The following TMEM40 variants were observed in gnomAD, a reference collection of about 807,000 sequenced individuals.
TMEM40 encodes transmembrane protein 40.
A neutral mutation model predicts 40.8 loss-of-function variants in TMEM40; 34 were observed. That is an observed-to-expected ratio of 0.83 (90% CI 0.63 to 1.11). TMEM40 has a LOEUF of 1.11. Ranked by LOEUF, TMEM40 falls within the 50% of genes least tolerant of loss-of-function variation. The pLI, the probability that TMEM40 is intolerant of heterozygous loss-of-function variation, is 0.00. For synonymous variants in TMEM40, 106 were observed against 107.0 expected (o/e 0.99, Z 0.06); for missense variants, 296 against 280.2 (o/e 1.06, Z -0.40).
chr3:12,755,923 GA>G (rs58735935), intron 1 of TMEM40, among the ~76,000 whole-genome samples: 1 of 152,308 alleles, frequency 6.6e-6, no homozygotes, highest in East Asian at 1.9e-4. Flanking sequence ...TGACTTCAAA[GA>G]GTCTCTGCAA....
At chr3:12,755,221 C>CTTTCTTTCTT (rs1232868322) in intron 1 of TMEM40, among the ~76,000 whole-genome samples, 4 of 82,980 alleles carry the variant, frequency 4.8e-5, no homozygotes, top group African/African-American at 1.4e-4. Context: ...CTTTCTCTCT[C>CTTTCTTTCTT]TCTCTCTCTC....
intron 1 of TMEM40, among the ~76,000 whole-genome samples, chr3:12,750,377 A>C (rs1244937245): frequency 6.6e-6 from 1 of 152,104 alleles, no homozygotes; most frequent in Non-Finnish European, 1.5e-5. Flanking sequence ...AGGCAAGGGA[A>C]TCCTGGGCCC....
chr3:12,767,901 AG>A (rs1043682289), intron 1 of TMEM40, among the ~76,000 whole-genome samples: 4 of 152,146 alleles, frequency 2.6e-5, no homozygotes, highest in Admixed American at 2.6e-4. Context: ...TTGTCCAGGA[AG>A]CAAAACTTGT....
chr3:12,742,600 A>C (rs2061392797), intron 4 of TMEM40, 93 bp from the exon 5 acceptor site: 19 of 1,455,124 alleles, frequency 1.3e-5, no homozygotes, highest in Non-Finnish European at 1.8e-5. Context: ...AAGAAGTACC[A>C]CAGTCCTTGT....
intron 3 of TMEM40, among the ~76,000 whole-genome samples, chr3:12,746,724 G>A (rs2061431778): frequency 6.6e-6 from 1 of 152,154 alleles, no homozygotes; most frequent in African/African-American, 2.4e-5. Context: ...CTAGGACTCT[G>A]GCTTTCTCCC....
chr3:12,769,197 G>A, intron 1 of TMEM40: 2 of 343,508 alleles, frequency 5.8e-6, no homozygotes, highest in Non-Finnish European at 1.3e-5. Flanking sequence ...ACTGTAGCCG[G>A]CCCTCAAGTG....
chr3:12,754,056 A>G (rs2061499340), intron 1 of TMEM40, among the ~76,000 whole-genome samples: 1 of 152,234 alleles, frequency 6.6e-6, no homozygotes. Context: ...TGCGCAGGTC[A>G]TGGAGCCACA....
At chr3:12,761,415 G>T (rs1192906245), upstream of TMEM40, among the ~76,000 whole-genome samples, 3 of 152,086 alleles carry the variant, frequency 2.0e-5, no homozygotes, top group Non-Finnish European at 4.4e-5. Context: ...GACCGGCCTG[G>T]CCAACATGGT....
intron 1 of TMEM40, among the ~76,000 whole-genome samples, 154 bp from the exon 2 acceptor site, chr3:12,749,994 G>A (rs1285309275): frequency 6.6e-6 from 1 of 152,142 alleles, no homozygotes; most frequent in African/African-American, 2.4e-5. Flanking sequence ...CTGTTGGCAA[G>A]CAAGAAGGCC....
At chr3:12,746,442 C>A (rs569344520) in intron 3 of TMEM40, among the ~76,000 whole-genome samples, 1 of 152,070 alleles carries the variant, frequency 6.6e-6, no homozygotes, top group Admixed American at 6.6e-5. Context: ...CTACAGTGTA[C>A]CTGTGTGTAA....
chr3:12,754,923 A>G (rs548426979), intron 1 of TMEM40, among the ~76,000 whole-genome samples: 14 of 152,178 alleles, frequency 9.2e-5, no homozygotes, highest in Non-Finnish European at 1.9e-4. Flanking sequence ...TTCAATATAT[A>G]AAAGAATTTT....
At chr3:12,756,980 C>T (rs182340433) in intron 1 of TMEM40, among the ~76,000 whole-genome samples, 38 of 152,238 alleles carry the variant, frequency 2.5e-4, no homozygotes, top group Middle Eastern at 3.4e-3. Flanking sequence ...CTTCAGTTCC[C>T]GCCTCTACCC....
chr3:12,757,415 G>C (rs1322835009), intron 1 of TMEM40, among the ~76,000 whole-genome samples: 1 of 150,624 alleles, frequency 6.6e-6, no homozygotes, highest in East Asian at 2.0e-4. Context: ...GTTGTGGTGA[G>C]CTGAGATCGC....
chr3:12,736,568 A>C lies in TMEM40; in HGVS notation c.619+10T>G. 1 of 1,552,294 alleles carries C rather than the reference A, an allele frequency of 6.4e-7. No homozygotes were observed. Among genetic ancestry groups the C allele is most frequent in the South Asian group, 1.2e-5 (1 of 84,300 alleles). On this transcript the variant is annotated intron_variant, in intron 10 of 11. Transcript: ENST00000314124. ...ACTGTGTGTGTGTCCATGCTGGGGG[A>C]GGGGCTTACCTAGTCCGAAGTAGAT...
chr3:12,758,067 T>C (rs62243682), intron 1 of TMEM40, among the ~76,000 whole-genome samples: 1 of 146,752 alleles, frequency 6.8e-6, no homozygotes, highest in Non-Finnish European at 1.5e-5. Context: ...AAATCTGTTA[T>C]TTAAAAAAAA....
At chr3:12,742,100 G>A (rs1407932117) in intron 5 of TMEM40, among the ~76,000 whole-genome samples, 1 of 152,128 alleles carries the variant, frequency 6.6e-6, no homozygotes, top group Non-Finnish European at 1.5e-5. Context: ...GCTGGTGGTG[G>A]GCGCCTGTGG....
At chr3:12,742,006 C>T (rs570301078) in intron 5 of TMEM40, among the ~76,000 whole-genome samples, 454 of 152,144 alleles carry the variant, frequency 3.0e-3, no homozygotes, top group African/African-American at 9.6e-3. Flanking sequence ...CCGAGGCGGG[C>T]GGATCAGGAG....
intron 10 of TMEM40, 99 bp from the exon 11 acceptor site, chr3:12,735,716 T>G: frequency 1.0e-6 from 1 of 975,082 alleles, no homozygotes; most frequent in Non-Finnish European, 1.6e-6. Flanking sequence ...AACAAAGCTC[T>G]GATGGTGGAA....
At chr3:12,764,239 A>G (rs917026422), upstream of TMEM40, among the ~76,000 whole-genome samples, 1 of 152,198 alleles carries the variant, frequency 6.6e-6, no homozygotes, top group Admixed American at 6.5e-5. Flanking sequence ...CACCAGAAAG[A>G]TGTCTGTGAG....
Sources: gnomAD v4.1 joint callset for allele counts (sites outside exome capture counted in the v4.1 genomes callset) on GRCh38, gnomAD v4.1.1 for gene constraint, MANE v1.5 for transcripts, NCBI Gene and HGNC (gene_info 2026-07-23, HGNC 2026-07-21) for gene names.